The following EFCAB6 variants were observed in gnomAD, a reference collection of about 807,000 sequenced individuals.
The protein encoded by EFCAB6 is EF-hand calcium-binding domain-containing protein 6.
Under a neutral mutation model 169.8 loss-of-function variants are expected in EFCAB6, and 156 were observed. That is an observed-to-expected ratio of 0.92 (90% confidence interval 0.81 to 1.05). The LOEUF (loss-of-function observed/expected upper bound fraction) is 1.05, where lower values mean the gene tolerates loss of function less well. Ranked by LOEUF, EFCAB6 falls within the 50% of genes least tolerant of loss-of-function variation. The pLI is 0.00. For missense variants in EFCAB6, 1,800 were observed against 1,829.1 expected, an observed-to-expected ratio of 0.98 and a Z score of 0.29; for synonymous variants, 698 against 676.4, an observed-to-expected ratio of 1.03 and a Z score of -0.50.
rs557776364 is a variant in EFCAB6 at position 43,627,127 on chromosome 22, G to A, written c.2233-448C>T. Among the ~76,000 whole-genome samples the A allele has an allele frequency of 3.3e-5, 5 of 152,306 alleles. No homozygotes were observed. The East Asian group carries it at 9.7e-4, about 29-fold the overall frequency. Reference sequence around the variant, plus strand: ...ATCTCACACCAAGGAGCCACCTGAAGGCCAGGCCTCTGTTTCGATGACCGT... The same window carrying A: ...ATCTCACACCAAGGAGCCACCTGAAAGCCAGGCCTCTGTTTCGATGACCGT... On this transcript the variant is annotated intron_variant, in intron 19 of 31. Coordinates refer to ENST00000262726, the MANE Select transcript of EFCAB6 (RefSeq NM_022785.4).
At chr22:43,783,320 C>T (rs921340176) in intron 2 of EFCAB6, among the ~76,000 whole-genome samples, 3 of 152,154 alleles carry the variant, frequency 2.0e-5, no homozygotes, top group East Asian at 1.9e-4. Flanking sequence ...CTTGAAAAAG[C>T]GCCCACATAT....
At chr22:43,733,456 T>C (rs570103765) in intron 7 of EFCAB6, among the ~76,000 whole-genome samples, 2 of 152,224 alleles carry the variant, frequency 1.3e-5, no homozygotes, top group Admixed American at 1.3e-4. Flanking sequence ...CAACACTCAA[T>C]GGGTTTTGAG....
intron 27 of EFCAB6, among the ~76,000 whole-genome samples, chr22:43,549,393 A>G (rs931878615): frequency 6.6e-6 from 1 of 152,226 alleles, no homozygotes; most frequent in African/African-American, 2.4e-5. Context: ...TAAAAAGATA[A>G]CAGTACACTA....
rs546144339 is a variant in EFCAB6 at position 43,786,756 on chromosome 22, GA to G, written c.-7-4432del. On this transcript the variant is annotated intron_variant, in intron 2 of 31. Transcript: ENST00000262726. ...ATAAAATTTAAAAAAAGAAAGAAAA[GA>G]AAAAAAGCTAAAAACCAATATTCCT... Among the ~76,000 whole-genome samples, 49 of 151,342 alleles carry G rather than the reference GA, an allele frequency of 3.2e-4. 1 individual carries two copies. The highest frequency in any genetic ancestry group is 9.7e-4 in the African/African-American group (40 of 41,346).
intron 18 of EFCAB6, among the ~76,000 whole-genome samples, chr22:43,634,357 A>T (rs554675681): frequency 2.6e-5 from 4 of 152,202 alleles, no homozygotes; most frequent in African/African-American, 9.6e-5. Context: ...TGACAGTCTG[A>T]CAAGGCTAGG....
At chr22:43,622,363 G>A (rs1262365759) in intron 20 of EFCAB6, among the ~76,000 whole-genome samples, 1 of 152,140 alleles carries the variant, frequency 6.6e-6, no homozygotes, top group Non-Finnish European at 1.5e-5. Context: ...TCAGGAGTTC[G>A]ATACCAGCCT....
chr22:43,718,340 C>T (rs78886713), intron 8 of EFCAB6, among the ~76,000 whole-genome samples: 2 of 152,154 alleles, frequency 1.3e-5, no homozygotes, highest in African/African-American at 4.8e-5. Flanking sequence ...TCTGCAAATA[C>T]GCTTCAGCCA....
chr22:43,790,127 T>C (rs2148105622), intron 2 of EFCAB6, among the ~76,000 whole-genome samples: 1 of 152,216 alleles, frequency 6.6e-6, no homozygotes, highest in East Asian at 1.9e-4. Flanking sequence ...AGGCACCGAC[T>C]CTGCCTTGCA....
chr22:43,545,346 A>G (rs1364667262), intron 27 of EFCAB6, among the ~76,000 whole-genome samples: 1 of 152,240 alleles, frequency 6.6e-6, no homozygotes, highest in African/African-American at 2.4e-5. Context: ...CAGTTTAAAG[A>G]GATCCTAGGC....
chr22:43,557,877 C>T lies in EFCAB6; in HGVS notation c.3421-2781G>A, dbSNP rs566693969. Among the ~76,000 whole-genome samples the T allele has an allele frequency of 7.2e-5, 11 of 152,272 alleles. No individual in the cohort carries two copies. In the East Asian group the frequency reaches 2.1e-3, roughly 29 times the overall value. ...AATTGGCAAATCTTTCAATTCCTTACTTTAGTGAAGGCCACATGTCAACAG... is the reference window on the plus strand; with the variant it reads ...AATTGGCAAATCTTTCAATTCCTTATTTTAGTGAAGGCCACATGTCAACAG... On this transcript the variant is annotated intron_variant, in intron 26 of 31. Transcript: ENST00000262726.
chr22:43,720,284 G>A (rs6006442), intron 8 of EFCAB6, among the ~76,000 whole-genome samples: 43,322 of 151,552 alleles, frequency 0.29, 6,576 homozygotes, highest in Middle Eastern at 0.35. Flanking sequence ...TTGAGAGACC[G>A]AGGCAGGAAG....
intron 17 of EFCAB6, among the ~76,000 whole-genome samples, chr22:43,656,294 A>G (rs1037825230): frequency 1.3e-5 from 2 of 152,028 alleles, no homozygotes; most frequent in African/African-American, 4.8e-5. Flanking sequence ...GGAGGCTGAG[A>G]CAGGAGAATC....
chr22:43,606,055 G>C (rs919956527), intron 22 of EFCAB6, among the ~76,000 whole-genome samples: 1 of 152,132 alleles, frequency 6.6e-6, no homozygotes, highest in East Asian at 1.9e-4. Flanking sequence ...CAATTCCAGA[G>C]GGAAAAAGGG....
chr22:43,680,165 T>G (rs1294748449), intron 12 of EFCAB6, among the ~76,000 whole-genome samples: 2 of 152,208 alleles, frequency 1.3e-5, no homozygotes, highest in Non-Finnish European at 2.9e-5. Flanking sequence ...TGAATTCATC[T>G]TTTTGCATAT....
At chr22:43,641,781 C>A (rs993957707) in intron 17 of EFCAB6, among the ~76,000 whole-genome samples, 4 of 152,144 alleles carry the variant, frequency 2.6e-5, no homozygotes, top group Admixed American at 6.5e-5. Context: ...TGTGCTGGAC[C>A]AGCCGTGGGA....
chr22:43,635,356 G>T (rs2055309476), intron 17 of EFCAB6, 140 bp from the exon 18 acceptor site: 2 of 663,226 alleles, frequency 3.0e-6, no homozygotes, highest in Non-Finnish European at 2.7e-6. Flanking sequence ...AGGCTGCCAG[G>T]GGGTGGGACC....
chr22:43,598,343 G>A (rs1291250337), intron 23 of EFCAB6, among the ~76,000 whole-genome samples: 1 of 122,416 alleles, frequency 8.2e-6, no homozygotes, highest in Non-Finnish European at 1.7e-5. Context: ...AAAAAAGGTT[G>A]ATCTCAGACA....
At chr22:43,722,811 C>T (rs1234165121) in intron 8 of EFCAB6, among the ~76,000 whole-genome samples, 1 of 152,052 alleles carries the variant, frequency 6.6e-6, no homozygotes, top group African/African-American at 2.4e-5. Flanking sequence ...CATAGGTGCC[C>T]ATCAGTGGTG....
At chr22:43,714,763 A>G (rs1316436810) in intron 9 of EFCAB6, among the ~76,000 whole-genome samples, 27 of 152,232 alleles carry the variant, frequency 1.8e-4, no homozygotes. Flanking sequence ...GAAAAAAACA[A>G]AGGGAATAAG....
Sources: allele counts gnomAD v4.1 joint callset (sites outside exome capture counted in the v4.1 genomes callset), GRCh38; gene constraint gnomAD v4.1.1; transcripts MANE v1.5; gene names NCBI Gene and HGNC (gene_info 2026-07-23, HGNC 2026-07-21).